Variants in ADAMTSL1 observed in about 807,000 individuals in gnomAD.
The protein encoded by ADAMTSL1 is ADAMTS-like protein 1.
A neutral mutation model predicts 201.8 loss-of-function variants in ADAMTSL1; 126 were observed. That is an observed-to-expected ratio of 0.62 (90% CI 0.54 to 0.72). The LOEUF (loss-of-function observed/expected upper bound fraction) is 0.72, where lower values mean the gene tolerates loss of function less well. ADAMTSL1 is among the 30% of genes least tolerant of loss of function. ADAMTSL1 has a pLI of 0.00. For missense variants in ADAMTSL1, 2,679 were observed against 2,277.8 expected (o/e 1.18, Z -3.59); for synonymous variants, 1,121 against 903.4 (o/e 1.24, Z -4.32).
At chr9:18,179,670 G>T (rs896051878) in intron 2 of ADAMTSL1, among the ~76,000 whole-genome samples, 2 of 150,828 alleles carry the variant, frequency 1.3e-5, no homozygotes, top group African/African-American at 4.9e-5. Context: ...GACTAACAGC[G>T]GATCTCTCGG....
At chr9:18,655,210 G>A (rs975275715) in intron 7 of ADAMTSL1, among the ~76,000 whole-genome samples, 2 of 152,168 alleles carry the variant, frequency 1.3e-5, no homozygotes, top group African/African-American at 2.4e-5. Flanking sequence ...CTATCTCCTT[G>A]ATTCCTTGAA....
chr9:17,967,719 A>G (rs1818034696), intron 1 of ADAMTSL1, among the ~76,000 whole-genome samples: 1 of 152,070 alleles, frequency 6.6e-6, no homozygotes, highest in African/African-American at 2.4e-5. Context: ...TCTGATTCAT[A>G]GAGGTCTTTT....
At chr9:18,138,515 A>C (rs1173015232) in intron 1 of ADAMTSL1, among the ~76,000 whole-genome samples, 5 of 152,288 alleles carry the variant, frequency 3.3e-5, no homozygotes, top group African/African-American at 1.2e-4. Context: ...CCAGCTTCAT[A>C]GTACACAAAG....
intron 2 of ADAMTSL1, among the ~76,000 whole-genome samples, chr9:18,293,760 T>G (rs1156389464): frequency 2.0e-5 from 3 of 152,184 alleles, no homozygotes; most frequent in African/African-American, 7.2e-5. Flanking sequence ...ATTGTCAAGA[T>G]GTATTACCTT....
intron 3 of ADAMTSL1, among the ~76,000 whole-genome samples, chr9:18,545,764 G>T (rs2132185045): frequency 1.3e-5 from 2 of 152,246 alleles, no homozygotes; most frequent in African/African-American, 4.8e-5. Flanking sequence ...TTGAAGCAGG[G>T]ATTTGAGAAT....
At chr9:18,703,172 C>G (rs1441230032) in intron 13 of ADAMTSL1, among the ~76,000 whole-genome samples, 4 of 152,104 alleles carry the variant, frequency 2.6e-5, no homozygotes, top group African/African-American at 9.7e-5. Flanking sequence ...TTTTAAAGGT[C>G]CCTCTTTAAA....
At chr9:18,202,472 C>G (rs1029964687) in intron 2 of ADAMTSL1, among the ~76,000 whole-genome samples, 1 of 152,166 alleles carries the variant, frequency 6.6e-6, no homozygotes, top group African/African-American at 2.4e-5. Context: ...CATTTTAATT[C>G]TCTTTCAAGT....
intron 2 of ADAMTSL1, among the ~76,000 whole-genome samples, chr9:18,324,649 A>G (rs10963576): frequency 0.015 from 2,242 of 152,054 alleles, 35 homozygotes; most frequent in Middle Eastern, 0.031. Context: ...CTGTAATCCC[A>G]GCTACTAGGG....
intron 10 of ADAMTSL1, 47 bp from the exon 11 acceptor site, chr9:18,680,265 C>T: frequency 1.3e-6 from 2 of 1,578,094 alleles, no homozygotes; most frequent in South Asian, 1.1e-5. Flanking sequence ...ACTGAGGAGG[C>T]TTAGCAATGT....
intron 5 of ADAMTSL1, among the ~76,000 whole-genome samples, chr9:18,624,281 A>G (rs940830689): frequency 6.6e-6 from 1 of 152,238 alleles, no homozygotes; most frequent in Non-Finnish European, 1.5e-5. Flanking sequence ...TTCTTTGGTC[A>G]TGTGGGTTGG....
At chr9:18,319,155 G>A (rs1351568133) in intron 2 of ADAMTSL1, among the ~76,000 whole-genome samples, 1 of 152,036 alleles carries the variant, frequency 6.6e-6, no homozygotes, top group Non-Finnish European at 1.5e-5. Flanking sequence ...AAGCTGCACT[G>A]AGCCATGAAG....
At chr9:18,765,037 G>C (rs1183551200) in intron 16 of ADAMTSL1, among the ~76,000 whole-genome samples, 8 of 152,048 alleles carry the variant, frequency 5.3e-5, no homozygotes, top group Non-Finnish European at 1.0e-4. Flanking sequence ...TCCTCAATTT[G>C]AAAGAGAGAG....
chr9:18,288,489 A>C (rs187088449), intron 2 of ADAMTSL1, among the ~76,000 whole-genome samples: 1 of 152,166 alleles, frequency 6.6e-6, no homozygotes, highest in Non-Finnish European at 1.5e-5. Context: ...AGGTTTCTTA[A>C]TATTGTATAC....
intron 5 of ADAMTSL1, among the ~76,000 whole-genome samples, chr9:18,630,220 G>A (rs1826667285): frequency 6.6e-6 from 1 of 152,126 alleles, no homozygotes; most frequent in Non-Finnish European, 1.5e-5. Context: ...ACTGAGGCGG[G>A]ACCTTTCTGA....
intron 3 of ADAMTSL1, among the ~76,000 whole-genome samples, chr9:18,568,776 A>G (rs1302293763): frequency 6.7e-6 from 1 of 149,562 alleles, no homozygotes; most frequent in Non-Finnish European, 1.5e-5. Context: ...TCTGAATATG[A>G]TTTCCAAGGT....
intron 20 of ADAMTSL1, among the ~76,000 whole-genome samples, chr9:18,816,819 T>C (rs2131182993): frequency 6.7e-6 from 1 of 149,902 alleles, no homozygotes; most frequent in Middle Eastern, 3.4e-3. Context: ...TGCATATTCA[T>C]GGAGTACATA....
intron 15 of ADAMTSL1, among the ~76,000 whole-genome samples, chr9:18,749,442 A>G (rs1819330714): frequency 6.6e-6 from 1 of 152,100 alleles, no homozygotes; most frequent in Admixed American, 6.5e-5. Flanking sequence ...GAGGGGAAAA[A>G]GGCACTAATG....
At chr9:18,432,452 T>C (rs1278791018) in intron 2 of ADAMTSL1, among the ~76,000 whole-genome samples, 1 of 152,224 alleles carries the variant, frequency 6.6e-6, no homozygotes, top group Non-Finnish European at 1.5e-5. Flanking sequence ...TCAAATGCTT[T>C]GCTAAAATAG....
At chr9:18,692,532 A>G (rs1397237445) in intron 13 of ADAMTSL1, among the ~76,000 whole-genome samples, 1 of 152,190 alleles carries the variant, frequency 6.6e-6, no homozygotes, top group Non-Finnish European at 1.5e-5. Context: ...TTGTGTGCCA[A>G]AATAAAGTAT....
Sources: allele counts gnomAD v4.1 joint callset (sites outside exome capture counted in the v4.1 genomes callset), GRCh38; gene constraint gnomAD v4.1.1; transcripts MANE v1.5; gene names NCBI Gene and HGNC (gene_info 2026-07-23, HGNC 2026-07-21).